The following GAS6 variants were observed in gnomAD, a reference collection of about 807,000 sequenced individuals.
GAS6 encodes growth arrest specific 6.
Under a neutral mutation model 75.8 loss-of-function variants are expected in GAS6, and 41 were observed. That is an observed-to-expected ratio of 0.54 (90% confidence interval 0.42 to 0.70). The LOEUF (loss-of-function observed/expected upper bound fraction) is 0.70, where lower values mean the gene tolerates loss of function less well. GAS6 is among the 30% of genes least tolerant of loss of function. The pLI is 0.00. For missense variants in GAS6, 854 were observed against 940.2 expected (o/e 0.91, Z 1.20); for synonymous variants, 432 against 412.6 (o/e 1.05, Z -0.57).
At chr13:113,849,859 A>G (rs752305106) in intron 2 of GAS6, among the ~76,000 whole-genome samples, 4 of 152,246 alleles carry the variant, frequency 2.6e-5, no homozygotes, top group Non-Finnish European at 4.4e-5. Context: ...TGGAGGCAGA[A>G]AGCATATGCT....
chr13:113,828,802 C>G, intron 10 of GAS6, 91 bp from the exon 11 acceptor site: 1 of 1,442,078 alleles, frequency 6.9e-7, no homozygotes, highest in Admixed American at 1.9e-5. Context: ...CTCTCCTGAG[C>G]CAAGAGGGTC....
At chr13:113,847,055 G>A (rs938989602) in intron 3 of GAS6, 2 of 501,942 alleles carry the variant, frequency 4.0e-6, no homozygotes, top group Non-Finnish European at 7.9e-6. Context: ...TAGGGCGGCG[G>A]GGGGAGGCGA....
chr13:113,862,707 G>A (rs1488001489), intron 2 of GAS6, among the ~76,000 whole-genome samples: 1 of 152,142 alleles, frequency 6.6e-6, no homozygotes, highest in East Asian at 1.9e-4. Flanking sequence ...GCGGAAACAG[G>A]CCTCCATGGT....
At chr13:113,862,933 C>G (rs1177883574) in intron 2 of GAS6, among the ~76,000 whole-genome samples, 1 of 152,150 alleles carries the variant, frequency 6.6e-6, no homozygotes, top group East Asian at 1.9e-4. Flanking sequence ...CCTCACACGG[C>G]GGCTCCTGCG....
chr13:113,842,663 G>A (rs978955933), intron 4 of GAS6: 16 of 397,128 alleles, frequency 4.0e-5, no homozygotes, highest in African/African-American at 3.4e-4. Flanking sequence ...ACACGTGCAG[G>A]GCAGGCGGCC....
chr13:113,828,602 T>A lies in GAS6; in HGVS notation c.1253A>T (p.His418Leu), dbSNP rs368960262. Reference protein sequence around the residue: ...DLFQPERGLYHLNLTVGGIPF... With the variant: ...DLFQPERGLYLLNLTVGGIPF... ...AATACCTCCCACGGTCAGGTTCAGATGATACAGTCCTCGCTCCGGTTGGAA... is the reference window on the plus strand; with the variant it reads ...AATACCTCCCACGGTCAGGTTCAGAAGATACAGTCCTCGCTCCGGTTGGAA... Residue 418 changes from histidine to leucine, a missense_variant, in exon 11 of 15, where the codon CAT becomes CTT. Coordinates refer to ENST00000327773, the MANE Select transcript of GAS6 (RefSeq NM_000820.4). The A allele has an allele frequency of 1.9e-6, 3 of 1,613,480 alleles. No individual in the cohort carries two copies. The highest frequency in any genetic ancestry group is 1.7e-6 in the Non-Finnish European group (2 of 1,179,996).
rs949948527 is a variant in GAS6, at chr13:113,844,597, A to C, written c.343+1930T>G. The C allele has an allele frequency of 1.3e-5, 2 of 150,622 alleles. No homozygotes were observed. The highest frequency in any genetic ancestry group is 2.9e-5 in the Non-Finnish European group (2 of 68,010). 9.3% of individuals were successfully genotyped at this position (150,622 alleles called of 1,614,324 possible). ...TTAAAAATATCTAAAGGGCTTTTTTAGGTTTTTAAGAATATTTTTAAGGTT... is the reference window on the plus strand; with the variant it reads ...TTAAAAATATCTAAAGGGCTTTTTTCGGTTTTTAAGAATATTTTTAAGGTT... On this transcript the variant is annotated intron_variant, in intron 4 of 14. Transcript: ENST00000327773. The surrounding 1 kb of genome is among the most constrained non-coding windows in gnomAD (Gnocchi z 5.7).
intron 13 of GAS6, chr13:113,822,424 A>G: frequency 2.3e-6 from 1 of 436,666 alleles, no homozygotes; most frequent in East Asian, 3.6e-5. Context: ...TGGGGGAACA[A>G]GTGTGGCCCC....
intron 14 of GAS6, 58 bp from the exon 15 acceptor site, chr13:113,821,076 GC>G (rs921514421): frequency 1.2e-5 from 19 of 1,575,578 alleles, no homozygotes; most frequent in African/African-American, 9.4e-5. Context: ...GCCCCGCCTG[GC>G]CCCCCCACCC....
chr13:113,836,106 G>C (rs1334400502), intron 6 of GAS6: 2 of 963,750 alleles, frequency 2.1e-6, no homozygotes, highest in Non-Finnish European at 2.4e-6. Context: ...GACAGATGCT[G>C]TTTACGGCCA....
intron 2 of GAS6, among the ~76,000 whole-genome samples, chr13:113,855,932 C>G (rs935842093): frequency 6.6e-6 from 1 of 152,202 alleles, no homozygotes. Flanking sequence ...TTAAAGGTCA[C>G]TTGGACTCCT....
intron 2 of GAS6, among the ~76,000 whole-genome samples, chr13:113,858,459 CTT>C (rs1375577902): frequency 6.7e-6 from 1 of 149,854 alleles, no homozygotes; most frequent in African/African-American, 2.5e-5. Context: ...TAGTATGTGC[CTT>C]TGTGTGTGCA....
intron 4 of GAS6, 114 bp from the exon 5 acceptor site, chr13:113,839,964 A>C: frequency 6.6e-7 from 1 of 1,517,280 alleles, no homozygotes. Context: ...AGGAGCTCTG[A>C]GGGGCGCAGG....
intron 14 of GAS6, 128 bp from the exon 15 acceptor site, chr13:113,821,146 TCTC>T: frequency 1.1e-6 from 1 of 943,526 alleles, no homozygotes; most frequent in East Asian, 2.6e-5. Flanking sequence ...TTCCCTTTCT[TCTC>T]TAACTTCTCG....
At chr13:113,858,343 G>A (rs1219614384) in intron 2 of GAS6, among the ~76,000 whole-genome samples, 1 of 152,130 alleles carries the variant, frequency 6.6e-6, no homozygotes, top group Non-Finnish European at 1.5e-5. Context: ...GTATGACTGT[G>A]TACGTATGTC....
intron 2 of GAS6, among the ~76,000 whole-genome samples, chr13:113,861,828 AT>A (rs1163995128): frequency 1.1e-4 from 16 of 152,284 alleles, no homozygotes; most frequent in Non-Finnish European, 8.8e-5. Context: ...GGTTGTTATC[AT>A]TTGGCATGGG....
chr13:113,848,006 G>A lies in GAS6; in HGVS notation c.280+20C>T. 1.2e-6 allele frequency: 2 copies of A among 1,609,996 alleles called. No individual in the cohort carries two copies. The highest frequency in any genetic ancestry group is 1.7e-6 in the Non-Finnish European group (2 of 1,177,000). ...CTATGCCTCTACGACAACCAGAGTA[G>A]AGAAGTAATTGAGACTTACCTAAGT... is the stretch of plus-strand genomic sequence containing the variant. On this transcript the variant is annotated intron_variant, in intron 3 of 14. Coordinates refer to ENST00000327773, the MANE Select transcript of GAS6 (RefSeq NM_000820.4). This position sits in a 1 kb window ranked among gnomAD's most constrained non-coding sequence, Gnocchi z 4.8.
intron 4 of GAS6, 199 bp from the exon 5 acceptor site, chr13:113,840,049 C>T: frequency 1.5e-6 from 1 of 677,828 alleles, no homozygotes; most frequent in Non-Finnish European, 2.4e-6. Flanking sequence ...GGCCCTGGGG[C>T]CGGCTCCAGG....
rs1233822478 is a variant in GAS6 at position 113,848,635 on chromosome 13, C to T, written c.256-585G>A. 6.6e-6 allele frequency among the ~76,000 whole-genome samples: 1 copy of T among 152,086 alleles called. No individual in the cohort carries two copies. The highest frequency in any genetic ancestry group is 1.5e-5 in the Non-Finnish European group (1 of 68,032). On this transcript the variant is annotated intron_variant, in intron 2 of 14. Transcript: ENST00000327773. The surrounding 1 kb of genome is among the most constrained non-coding windows in gnomAD (Gnocchi z 4.8). ...CTTCTTCAGGATCCTTTTGCCATGG[C>T]CCACAGATTCTAGGGCCACAGCCTG... is the stretch of plus-strand genomic sequence containing the variant.
Sources: allele counts gnomAD v4.1 joint callset (sites outside exome capture counted in the v4.1 genomes callset), GRCh38; gene constraint gnomAD v4.1.1; non-coding constraint Gnocchi (gnomAD v3.1); transcripts MANE v1.5; gene names NCBI Gene and HGNC (gene_info 2026-07-23, HGNC 2026-07-21).